Variants in CCDC171 observed in about 807,000 individuals in gnomAD.
CCDC171 encodes coiled-coil domain-containing protein 171.
CCDC171 carries 177 observed loss-of-function variants against 168.2 expected under a neutral mutation model. That is an observed-to-expected ratio of 1.05 (90% CI 0.93 to 1.19). The LOEUF is 1.19. Among genes scored for constraint, CCDC171 ranks in the 50% most tolerant of loss-of-function variants. The pLI is 0.00. For synonymous variants in CCDC171, 687 were observed against 540.8 expected, an observed-to-expected ratio of 1.27 and a Z score of -3.75; for missense variants, 1,991 against 1,539.0, an observed-to-expected ratio of 1.29 and a Z score of -4.91.
chr9:15,750,176 G>T (rs751617308), intron 18 of CCDC171, among the ~76,000 whole-genome samples: 1 of 152,074 alleles, frequency 6.6e-6, no homozygotes, highest in African/African-American at 2.4e-5. Context: ...TACCATCAGA[G>T]AATGCTATAA....
chr9:15,922,667 C>G (rs1014799766), intron 25 of CCDC171, among the ~76,000 whole-genome samples: 1 of 151,554 alleles, frequency 6.6e-6, no homozygotes, highest in Non-Finnish European at 1.5e-5. Flanking sequence ...CATGACTGTA[C>G]TAATTTACAT....
chr9:15,980,820 C>G (rs1357535133), intron 3 of CCDC171, among the ~76,000 whole-genome samples: 4 of 151,486 alleles, frequency 2.6e-5, no homozygotes, highest in African/African-American at 7.3e-5. Flanking sequence ...CCCGCCCACC[C>G]AATTTGTATA....
At chr9:15,636,112 C>G (rs1459125161) in intron 7 of CCDC171, among the ~76,000 whole-genome samples, 1 of 152,032 alleles carries the variant, frequency 6.6e-6, no homozygotes, top group Non-Finnish European at 1.5e-5. Flanking sequence ...TATTTAGACC[C>G]TTAGACCCTT....
At chr9:16,054,332 G>A (rs12380692) in intron 1 of CCDC171, among the ~76,000 whole-genome samples, 33 of 152,286 alleles carry the variant, frequency 2.2e-4, no homozygotes, top group African/African-American at 6.7e-4. Flanking sequence ...ATTCGGGTGT[G>A]CACGAAGTCC....
At chr9:15,791,304 G>T (rs2058247892) in intron 21 of CCDC171, among the ~76,000 whole-genome samples, 1 of 151,974 alleles carries the variant, frequency 6.6e-6, no homozygotes, top group Non-Finnish European at 1.5e-5. Context: ...CCTTGAAGAG[G>T]TCCTTCACAT....
chr9:15,724,758 A>G lies in CCDC171; in HGVS notation c.1492-18A>G. On this transcript the variant is annotated intron_variant, in intron 13 of 25. Transcript: ENST00000380701. ...TGGCTGGCCTTTCTACAATCTCTTTATTTGGTATCTATGACAGGAACTTCA... is the reference window on the plus strand; with the variant it reads ...TGGCTGGCCTTTCTACAATCTCTTTGTTTGGTATCTATGACAGGAACTTCA... 3 of 1,592,696 alleles carry G rather than the reference A, an allele frequency of 1.9e-6. No homozygotes were observed. The highest frequency in any genetic ancestry group is 2.6e-6 in the Non-Finnish European group (3 of 1,161,612).
intron 15 of CCDC171, 37 bp downstream of exon 15, chr9:15,728,073 T>G (rs1484825242): frequency 5.2e-6 from 8 of 1,530,844 alleles, no homozygotes; most frequent in Non-Finnish European, 7.1e-6. Flanking sequence ...TCTATTAAAT[T>G]CAGTGACATT....
intron 21 of CCDC171, among the ~76,000 whole-genome samples, chr9:15,792,939 C>A (rs1433193297): frequency 1.3e-5 from 2 of 152,152 alleles, no homozygotes; most frequent in East Asian, 3.9e-4. Context: ...AACCAGCTAA[C>A]ATCATAATGA....
chr9:15,961,907 G>T, intron 25 of CCDC171, among the ~76,000 whole-genome samples: 1 of 152,174 alleles, frequency 6.6e-6, no homozygotes. Flanking sequence ...TTTGTGTACC[G>T]TTTTTTCATG....
chr9:15,601,618 C>T (rs923636607), intron 6 of CCDC171, among the ~76,000 whole-genome samples: 6 of 152,156 alleles, frequency 3.9e-5, no homozygotes, highest in Admixed American at 3.3e-4. Flanking sequence ...GAAGATATTT[C>T]AGCGCAGAGA....
chr9:16,015,989 A>AT (rs1324835102), intron 3 of CCDC171, among the ~76,000 whole-genome samples: 2 of 152,234 alleles, frequency 1.3e-5, no homozygotes, highest in Non-Finnish European at 2.9e-5. Context: ...TTGTACGTAC[A>AT]TAACACATTT....
chr9:15,905,975 A>G (rs1346509906), intron 24 of CCDC171, among the ~76,000 whole-genome samples: 1 of 152,250 alleles, frequency 6.6e-6, no homozygotes, highest in Non-Finnish European at 1.5e-5. Context: ...TAAACCAGGA[A>G]GAAGCTGAAT....
At chr9:15,930,538 T>G (rs10810479) in intron 25 of CCDC171, among the ~76,000 whole-genome samples, 47,980 of 151,240 alleles carry the variant, frequency 0.32, 9,398 homozygotes, top group East Asian at 0.62. Flanking sequence ...TACATAGACA[T>G]AAAATTACCA....
intron 1 of CCDC171, among the ~76,000 whole-genome samples, chr9:15,556,715 C>G (rs1252679297): frequency 6.6e-6 from 1 of 151,788 alleles, no homozygotes; most frequent in African/African-American, 2.4e-5. Flanking sequence ...ATGGTAGTTT[C>G]TTTTGCTGTG....
At chr9:15,807,702 C>T (rs536320318) in intron 21 of CCDC171, among the ~76,000 whole-genome samples, 1 of 151,956 alleles carries the variant, frequency 6.6e-6, no homozygotes, top group African/African-American at 2.4e-5. Context: ...CAAGCAAAGA[C>T]ACAGGACACT....
the CCDC171 span, among the ~76,000 whole-genome samples, chr9:16,080,688 T>C: frequency 2.0e-5 from 3 of 152,142 alleles, no homozygotes; most frequent in Non-Finnish European, 4.4e-5. Context: ...AAATCAGTGT[T>C]CTTAGCGGTT....
Position 15,972,705 on chromosome 9 carries a change from G to C in CCDC171, c.*869G>C, listed in dbSNP as rs1831468407. 1 of 151,986 alleles carries C rather than the reference G, an allele frequency of 6.6e-6. No individual in the cohort carries two copies. Among genetic ancestry groups the C allele is most frequent in the Admixed American group, 6.6e-5 (1 of 15,248 alleles). 9.4% of individuals were successfully genotyped at this position (151,986 alleles called of 1,614,324 possible). A position where few individuals can be genotyped will look rare whatever the true frequency, so the allele number is the denominator to read the frequency against. ...GACTCCTTTTTTGTTTTTGTTGTTG[G>C]TAGGACCCAAGAGTGACACCCATCT... is the stretch of plus-strand genomic sequence containing the variant. On this transcript the variant is annotated 3_prime_UTR_variant, in exon 26 of 26. Coordinates refer to ENST00000380701, the MANE Select transcript of CCDC171 (RefSeq NM_173550.4).
intron 1 of CCDC171, among the ~76,000 whole-genome samples, chr9:16,055,550 C>T (rs982853901): frequency 6.6e-6 from 1 of 152,186 alleles, no homozygotes; most frequent in Non-Finnish European, 1.5e-5. Flanking sequence ...TCAGCAACGC[C>T]GCTGGGCCCT....
At chr9:15,578,614 T>C (rs2040863657) in intron 3 of CCDC171, among the ~76,000 whole-genome samples, 1 of 151,312 alleles carries the variant, frequency 6.6e-6, no homozygotes. Context: ...TCTTTAATTT[T>C]ATAAAAAGTT....
Sources: allele counts gnomAD v4.1 joint callset (sites outside exome capture counted in the v4.1 genomes callset), GRCh38; gene constraint gnomAD v4.1.1; transcripts MANE v1.5; gene names NCBI Gene and HGNC (gene_info 2026-07-23, HGNC 2026-07-21).